Variants in NSD2 observed in about 807,000 individuals in gnomAD.
NSD2 encodes nuclear receptor binding SET domain protein 2.
NSD2 carries 12 observed loss-of-function variants against 139.0 expected under a neutral mutation model. That is an observed-to-expected ratio of 0.09 (90% CI 0.06 to 0.14). The LOEUF (loss-of-function observed/expected upper bound fraction) is 0.14. Ranked by LOEUF, NSD2 falls within the 10% of genes least tolerant of loss-of-function variation. NSD2 has a pLI of 1.00. For missense variants in NSD2, 1,155 were observed against 1,745.0 expected (o/e 0.66, Z 6.02); for synonymous variants, 669 against 648.7 (o/e 1.03, Z -0.48).
intron 9 of NSD2, chr4:1,941,375 G>C (rs1723077749): frequency 9.5e-7 from 1 of 1,051,288 alleles, no homozygotes; most frequent in Admixed American, 5.5e-5. Context: ...GATCTTCTCT[G>C]TTATTCCTGA....
intron 1 of NSD2, chr4:1,892,152 T>A (rs1390219676): frequency 6.6e-6 from 1 of 152,204 alleles, no homozygotes; most frequent in Non-Finnish European, 1.5e-5. Context: ...TCTTTATTTT[T>A]ATTTTAATTT....
chr4:1,974,734 C>T lies in NSD2; in HGVS notation c.3373-129C>T, dbSNP rs548063398. ...TGGGGGTGTCCTGTCTCAGTGGACA[C>T]AGGACACCACGGTTTTCAGTACAAC... On this transcript the variant is annotated intron_variant, in intron 18 of 21. Coordinates refer to ENST00000508803, the MANE Select transcript of NSD2 (RefSeq NM_001042424.3). The surrounding 1 kb of genome is among the most constrained non-coding windows in gnomAD (Gnocchi z 4.0). 3.8e-4 allele frequency: 511 copies of T among 1,348,038 alleles called. 6 individuals carry two copies. The South Asian group carries it at 5.7e-3, about 15-fold the overall frequency. The allele number at this position is 1,348,038 out of a possible 1,614,324, so 83.5% of individuals were successfully genotyped here.
rs539579784 is a variant in NSD2, at chr4:1,968,034, CTTGCAAACCAAA to C, written c.3373-6825_3373-6814del. Among the ~76,000 whole-genome samples, 16 of 152,300 alleles carry C rather than the reference CTTGCAAACCAAA, an allele frequency of 1.1e-4. No individual in the cohort carries two copies. In the South Asian group the frequency reaches 3.1e-3, roughly 30 times the overall value. On this transcript the variant is annotated intron_variant, in intron 18 of 21. Transcript: ENST00000508803. ...GCCAGGTTCAAGTGGAGCATCTGTA[CTTGCAAACCAAA>C]TTGGCAGCATATTAAAAGAATTACA...
At chr4:1,941,253 T>G (rs904678352) in intron 9 of NSD2, 17 of 1,057,068 alleles carry the variant, frequency 1.6e-5, no homozygotes, top group Middle Eastern at 8.5e-4. Context: ...GATTTTTGCT[T>G]TAAAGAGCTT....
intron 9 of NSD2, chr4:1,947,955 G>C: frequency 1.9e-6 from 2 of 1,056,918 alleles, no homozygotes; most frequent in Non-Finnish European, 2.3e-6. Context: ...TCACCCTGAA[G>C]GGCCACGTGC....
intron 6 of NSD2, among the ~76,000 whole-genome samples, chr4:1,934,059 T>C (rs1024347780): frequency 6.6e-6 from 1 of 152,092 alleles, no homozygotes; most frequent in African/African-American, 2.4e-5. Context: ...AGTCTTTGAA[T>C]GTTAGTAAGG....
At chr4:1,891,021 G>A (rs1050744329) in intron 1 of NSD2, among the ~76,000 whole-genome samples, 6 of 151,766 alleles carry the variant, frequency 4.0e-5, no homozygotes, top group South Asian at 2.1e-4. Context: ...AGCTTCCCGC[G>A]TAGCTAAGAC....
intron 10 of NSD2, among the ~76,000 whole-genome samples, chr4:1,951,445 CACACACACACACACACACACACACACACA>C (rs1724230604): frequency 0.036 from 3,577 of 99,598 alleles, 284 homozygotes; most frequent in Middle Eastern, 0.074. Context: ...TCATGTAATA[CACACACACACACACACACACACACACACA>C]CACACACACA....
rs763763062 is a variant in NSD2, at chr4:1,982,044, TAAA to T, written c.*3138_*3140del. The T allele has an allele frequency of 2.0e-5, 8 of 397,908 alleles. No homozygotes were observed. Among genetic ancestry groups the T allele is most frequent in the Non-Finnish European group, 3.5e-5 (8 of 225,902 alleles). 24.6% of individuals were successfully genotyped at this position (397,908 alleles called of 1,614,324 possible). On this transcript the variant is annotated 3_prime_UTR_variant, in exon 22 of 22. Coordinates refer to ENST00000508803, the MANE Select transcript of NSD2 (RefSeq NM_001042424.3). ...TGTCACCAGGTTTGATAGTTAGACT[TAAA>T]AACTTGAAATTCACTTTTTGGGGGG...
At chr4:1,943,717 T>TA in intron 9 of NSD2, 1 of 1,053,770 alleles carries the variant, frequency 9.5e-7, no homozygotes, top group South Asian at 4.6e-5. Context: ...AGAGTAAAAT[T>TA]AAAATTCTCA....
At chr4:1,921,830 T>G (rs545982797) in intron 5 of NSD2, among the ~76,000 whole-genome samples, 1 of 151,582 alleles carries the variant, frequency 6.6e-6, no homozygotes, top group Non-Finnish European at 1.5e-5. Flanking sequence ...TTTTCACCAT[T>G]TAATAAACGT....
rs1460279946 is a variant in NSD2, at chr4:1,974,992, G to C, written c.3502G>C (p.Asp1168His). 2 of 1,614,026 alleles carry C rather than the reference G, an allele frequency of 1.2e-6. No homozygotes were observed. The highest frequency in any genetic ancestry group is 1.3e-5 in the African/African-American group (1 of 74,910). The change falls in exon 19 of 22, where the codon GAC becomes CAC. Residue 1168 changes from aspartate to histidine, a missense_variant. By Grantham distance (81) the Asp-to-His change is moderately conservative. Around this residue, in one of 8 missense-constraint regions of NSD2, gnomAD observed 139 missense variants for 485.8 expected, o/e 0.29. Coordinates refer to ENST00000508803, the MANE Select transcript of NSD2 (RefSeq NM_001042424.3). The surrounding 1 kb of genome is among the most constrained non-coding windows in gnomAD (Gnocchi z 4.0). ...TCGTGTGGGCCTGTTTGCCGTCTGT[G>C]ACATTCCTGCAGGTACAAGCTCTGG... is the stretch of plus-strand genomic sequence containing the variant. The part of the protein sequence containing the change: ...DTRVGLFAVC[D>H]IPAGTELTFN...
intron 6 of NSD2, among the ~76,000 whole-genome samples, chr4:1,933,266 C>T (rs1225728560): frequency 1.3e-5 from 2 of 152,256 alleles, no homozygotes; most frequent in African/African-American, 4.8e-5. Context: ...CTTACTTGTA[C>T]CTCTGCCTGA....
intron 3 of NSD2, among the ~76,000 whole-genome samples, chr4:1,907,821 C>T (rs1309789065): frequency 6.6e-6 from 1 of 151,998 alleles, no homozygotes; most frequent in Non-Finnish European, 1.5e-5. Context: ...CCATGTTGGC[C>T]AGGATGATCT....
intron 18 of NSD2, among the ~76,000 whole-genome samples, chr4:1,969,647 G>A (rs979735564): frequency 3.3e-5 from 5 of 152,048 alleles, no homozygotes; most frequent in African/African-American, 9.7e-5. Flanking sequence ...GCCAAGGCGC[G>A]CAGTAAGCCA....
At chr4:1,975,073 C>A in intron 19 of NSD2, 69 bp downstream of exon 19, 1 of 1,604,340 alleles carries the variant, frequency 6.2e-7, no homozygotes, top group Non-Finnish European at 8.5e-7. Flanking sequence ...CTGAGGGCTG[C>A]GTGGGGCTGG....
rs534154957 is a variant in NSD2 at position 1,974,656 on chromosome 4, C to T, written c.3373-207C>T. On this transcript the variant is annotated intron_variant, in intron 18 of 21. Transcript: ENST00000508803. The surrounding 1 kb of genome is among the most constrained non-coding windows in gnomAD (Gnocchi z 4.0). ...CCCCGGCGCTCACTAAGGCTCGGTC[C>T]TCTCCACGTGGTCCTGACCTGTCCT... 1.3e-6 allele frequency: 1 copy of T among 778,322 alleles called. No individual in the cohort carries two copies. Among genetic ancestry groups the T allele is most frequent in the African/African-American group, 1.7e-5 (1 of 59,304 alleles). The allele number at this position is 778,322 out of a possible 1,614,324, so 48.2% of individuals were successfully genotyped here. A position where few individuals can be genotyped will look rare whatever the true frequency, so the allele number is the denominator to read the frequency against.
At chr4:1,911,336 C>G (rs1718628603) in intron 3 of NSD2, among the ~76,000 whole-genome samples, 1 of 151,740 alleles carries the variant, frequency 6.6e-6, no homozygotes, top group Non-Finnish European at 1.5e-5. Flanking sequence ...GCCTATAATC[C>G]CAGCACTTTG....
At chr4:1,978,320 T>C (rs1727334794) in intron 21 of NSD2, among the ~76,000 whole-genome samples, 2 of 151,960 alleles carry the variant, frequency 1.3e-5, no homozygotes, top group Non-Finnish European at 2.9e-5. Context: ...CACATGGAAA[T>C]CAGCACAGCA....
Sources: allele counts gnomAD v4.1 joint callset (sites outside exome capture counted in the v4.1 genomes callset), GRCh38; gene constraint gnomAD v4.1.1; regional missense constraint gnomAD v4.1.1; non-coding constraint Gnocchi (gnomAD v3.1); transcripts MANE v1.5; gene names NCBI Gene and HGNC (gene_info 2026-07-23, HGNC 2026-07-21).